The following DNAH9 variants were observed in gnomAD, a reference collection of about 807,000 sequenced individuals.
The protein encoded by DNAH9 is DNAH9 variant protein.
A neutral mutation model predicts 471.6 loss-of-function variants in DNAH9; 345 were observed. The ratio of observed to expected loss-of-function variants is 0.73; its 90% CI spans 0.67 to 0.80. The LOEUF is 0.80. Ranked by LOEUF, DNAH9 falls within the 30% of genes least tolerant of loss-of-function variation. DNAH9 has a pLI of 0.00. For synonymous variants in DNAH9, 2,093 were observed against 2,123.6 expected, an observed-to-expected ratio of 0.99 and a Z score of 0.40; for missense variants, 5,407 against 5,609.2, an observed-to-expected ratio of 0.96 and a Z score of 1.15.
intron 9 of DNAH9, among the ~76,000 whole-genome samples, chr17:11,638,367 C>T (rs2150682251): frequency 6.6e-6 from 1 of 152,180 alleles, no homozygotes; most frequent in Middle Eastern, 3.4e-3. Flanking sequence ...CCTTAAAACA[C>T]CACCATCCAT....
At position 11,608,473 on chromosome 17, in the gene DNAH9, C is replaced by T; in HGVS notation, c.614+148C>T. The stretch of plus-strand genomic sequence containing the variant: ...TACTGTCTGCTCTGTTTGCCGACAC[C>T]CTCAGACTGTGGACTGTGTGTTTAC... On this transcript the variant is annotated intron_variant, in intron 2 of 68. Coordinates refer to ENST00000262442, the MANE Select transcript of DNAH9 (RefSeq NM_001372.4). The T allele has an allele frequency of 4.5e-6, 3 of 666,390 alleles. No homozygotes were observed. In the South Asian group the frequency reaches 6.1e-5, roughly 14 times the overall value. The allele number at this position is 666,390 out of a possible 1,614,324, so 41.3% of individuals were successfully genotyped here.
At chr17:11,903,432 A>G (rs1973482613) in intron 60 of DNAH9, among the ~76,000 whole-genome samples, 2 of 152,256 alleles carry the variant, frequency 1.3e-5, no homozygotes, top group Admixed American at 1.3e-4. Flanking sequence ...AAACGGGGTT[A>G]TGGTAAAGAC....
In DNAH9 at chr17:11,969,555, A is replaced by C; in HGVS notation, c.*28A>C. 6.4e-7 allele frequency: 1 copy of C among 1,568,040 alleles called. No homozygotes were observed. Among genetic ancestry groups the C allele is most frequent in the East Asian group, 2.3e-5 (1 of 44,084 alleles). On this transcript the variant is annotated 3_prime_UTR_variant, in exon 69 of 69. Transcript: ENST00000262442. ...TCCTGCAGAGCCACCGAGAAAATAA[A>C]AAAGCTGGGCTTGGAGGCTGCCTAG... is the stretch of plus-strand genomic sequence containing the variant.
At chr17:11,961,835 C>T (rs2151452459) in intron 67 of DNAH9, 32 bp from the exon 68 acceptor site, 4 of 1,562,970 alleles carry the variant, frequency 2.6e-6, no homozygotes, top group East Asian at 4.5e-5. Context: ...CCCACCTTCT[C>T]ACGCTTTCCC....
intron 33 of DNAH9, among the ~76,000 whole-genome samples, chr17:11,754,562 G>A (rs1020154675): frequency 1.3e-5 from 2 of 152,028 alleles, no homozygotes; most frequent in Admixed American, 1.3e-4. Flanking sequence ...GTTTTGATTT[G>A]CATTTCTCTA....
chr17:11,636,839 A>C, intron 9 of DNAH9, 55 bp downstream of exon 9: 1 of 1,465,648 alleles, frequency 6.8e-7, no homozygotes, highest in South Asian at 1.1e-5. Context: ...GAAAGAAGCA[A>C]CTCATTCCTC....
rs548461264 is a variant in DNAH9 at position 11,620,303 on chromosome 17, A to G, written c.1350+522A>G. Reference sequence around the variant, plus strand: ...GCCAAGGCAGGTGGATCATGAGGTCAGGAGTTCGAGACCAGTCTGGTCAAC... The same window carrying G: ...GCCAAGGCAGGTGGATCATGAGGTCGGGAGTTCGAGACCAGTCTGGTCAAC... On this transcript the variant is annotated intron_variant, in intron 6 of 68. Transcript: ENST00000262442. Among the ~76,000 whole-genome samples, 33 of 152,130 alleles carry G rather than the reference A, an allele frequency of 2.2e-4. 1 individual carries two copies. Among genetic ancestry groups the G allele is most frequent in the Middle Eastern group, 3.4e-3 (1 of 294 alleles).
At chr17:11,778,160 G>A (rs748391698) in intron 38 of DNAH9, among the ~76,000 whole-genome samples, 1 of 151,292 alleles carries the variant, frequency 6.6e-6, no homozygotes. Flanking sequence ...CGAGGCAGAG[G>A]GTACAGCCAG....
rs535402640 is a variant in DNAH9 at position 11,768,720 on chromosome 17, T to C, written c.7344+94T>C. Reference sequence around the variant, plus strand: ...CAGCCCCGCATGGCTATCTGAGCATTTGTCCTTGCTAGGAACTAGTCATCC... The same window carrying C: ...CAGCCCCGCATGGCTATCTGAGCATCTGTCCTTGCTAGGAACTAGTCATCC... On this transcript the variant is annotated intron_variant, in intron 37 of 68. Coordinates refer to ENST00000262442, the MANE Select transcript of DNAH9 (RefSeq NM_001372.4). 3.8e-5 allele frequency: 56 copies of C among 1,458,652 alleles called. 1 individual carries two copies. In the South Asian group the frequency reaches 6.7e-4, roughly 18 times the overall value. The allele number at this position is 1,458,652 out of a possible 1,614,324, so 90.4% of individuals were successfully genotyped here.
chr17:11,734,955 C>T (rs2075321832), intron 28 of DNAH9, among the ~76,000 whole-genome samples: 1 of 152,164 alleles, frequency 6.6e-6, no homozygotes, highest in African/African-American at 2.4e-5. Context: ...TCTCAAATTT[C>T]AGCGTGCATC....
chr17:11,947,955 C>A (rs543679596), intron 67 of DNAH9, among the ~76,000 whole-genome samples: 2 of 151,640 alleles, frequency 1.3e-5, no homozygotes, highest in African/African-American at 4.8e-5. Flanking sequence ...TTAGTAGAGA[C>A]GGGGTTTCAC....
At chr17:11,891,675 A>G in intron 57 of DNAH9, 102 bp from the exon 58 acceptor site, 2 of 1,431,918 alleles carry the variant, frequency 1.4e-6, no homozygotes, top group South Asian at 1.5e-5. Flanking sequence ...TTGGGAAAAA[A>G]TTTCTATGGG....
chr17:11,835,303 C>T (rs1970813989), intron 49 of DNAH9, among the ~76,000 whole-genome samples: 1 of 152,148 alleles, frequency 6.6e-6, no homozygotes, highest in African/African-American at 2.4e-5. Flanking sequence ...CCATTTTGCC[C>T]TTTAGGTTCT....
chr17:11,744,977 T>G lies in DNAH9; in HGVS notation c.6292T>G (p.Phe2098Val). 6.2e-7 allele frequency: 1 copy of G among 1,614,160 alleles called. No individual in the cohort carries two copies. The highest frequency in any genetic ancestry group is 8.5e-7 in the Non-Finnish European group (1 of 1,180,002). The change falls in exon 31 of 69, where the codon TTT becomes GTT. Residue 2098 changes from phenylalanine to valine, a missense_variant. Transcript: ENST00000262442. ...PIFMGLIGDLFPALDVPRRRD... is the reference protein window; with the variant it reads ...PIFMGLIGDLVPALDVPRRRD... ...CTTCATGGGCCTGATCGGGGACCTC[T>G]TTCCCGCCCTGGATGTCCCCCGGAG...
At chr17:11,798,503 A>T (rs185276454) in intron 43 of DNAH9, among the ~76,000 whole-genome samples, 342 of 151,684 alleles carry the variant, frequency 2.3e-3, no homozygotes, top group South Asian at 0.021. Context: ...TCAAGTGCAT[A>T]CATATTTCAA....
At chr17:11,749,391 G>GT (rs1205375183) in intron 32 of DNAH9, among the ~76,000 whole-genome samples, 1 of 152,026 alleles carries the variant, frequency 6.6e-6, no homozygotes, top group East Asian at 1.9e-4. Flanking sequence ...CAGGCCAAGA[G>GT]TTTTTTAATA....
intron 14 of DNAH9, among the ~76,000 whole-genome samples, chr17:11,661,800 A>C (rs1455704087): frequency 2.0e-5 from 3 of 152,114 alleles, no homozygotes; most frequent in Non-Finnish European, 4.4e-5. Flanking sequence ...GTATCTATTA[A>C]TATGCATATT....
chr17:11,807,042 C>T (rs554926094), intron 43 of DNAH9, among the ~76,000 whole-genome samples: 1 of 151,938 alleles, frequency 6.6e-6, no homozygotes, highest in Admixed American at 6.6e-5. Context: ...AGGAAGGGGG[C>T]AAGGAGAGAG....
intron 12 of DNAH9, among the ~76,000 whole-genome samples, chr17:11,650,030 CTATTA>C (rs1269391552): frequency 3.9e-5 from 6 of 152,178 alleles, no homozygotes; most frequent in African/African-American, 1.2e-4. Context: ...CTCTACTTCC[CTATTA>C]TATTAATAGC....
Sources: allele counts gnomAD v4.1 joint callset (sites outside exome capture counted in the v4.1 genomes callset), GRCh38; gene constraint gnomAD v4.1.1; transcripts MANE v1.5; gene names NCBI Gene and HGNC (gene_info 2026-07-23, HGNC 2026-07-21).